Variants in XYLT1 observed in about 807,000 individuals in gnomAD.
The protein encoded by XYLT1 is xylosyltransferase 1.
In XYLT1, 36 loss-of-function variants were observed where a neutral mutation model predicts 91.3. That is an observed-to-expected ratio of 0.39 (90% confidence interval 0.30 to 0.52). The LOEUF (loss-of-function observed/expected upper bound fraction) is 0.52. Among genes scored for constraint, XYLT1 ranks in the 20% least tolerant of loss-of-function variants. XYLT1 has a pLI of 0.68. For synonymous variants in XYLT1, 588 were observed against 532.0 expected (o/e 1.11, Z -1.45); for missense variants, 1,242 against 1,284.5 (o/e 0.97, Z 0.51).
intron 1 of XYLT1, among the ~76,000 whole-genome samples, chr16:17,406,238 T>A (rs932312624): frequency 1.3e-5 from 2 of 152,178 alleles, no homozygotes; most frequent in African/African-American, 4.8e-5. Flanking sequence ...TCAACAAATA[T>A]TACTGAGCAC....
chr16:17,163,822 G>A (rs1382674578), intron 5 of XYLT1, among the ~76,000 whole-genome samples: 1 of 152,012 alleles, frequency 6.6e-6, no homozygotes, highest in Admixed American at 6.6e-5. Flanking sequence ...GCCAAGGCGG[G>A]TGGATCATTT....
chr16:17,183,435 T>C (rs1012721209), intron 5 of XYLT1, among the ~76,000 whole-genome samples: 8 of 149,648 alleles, frequency 5.3e-5, no homozygotes, highest in Admixed American at 4.7e-4. Context: ...TTATGACCCG[T>C]TGGCAAAAAA....
intron 6 of XYLT1, among the ~76,000 whole-genome samples, chr16:17,141,995 C>A (rs1427322572): frequency 1.3e-5 from 2 of 152,150 alleles, no homozygotes; most frequent in Admixed American, 6.5e-5. Context: ...CCTCAAACTC[C>A]TGGGCTCCTG....
intron 2 of XYLT1, among the ~76,000 whole-genome samples, chr16:17,350,817 C>G (rs917210579): frequency 6.6e-6 from 1 of 152,032 alleles, no homozygotes; most frequent in Non-Finnish European, 1.5e-5. Flanking sequence ...GCCGGAAGAA[C>G]GGAGAGGAGA....
At chr16:17,396,936 C>T (rs946961024) in intron 1 of XYLT1, among the ~76,000 whole-genome samples, 4 of 152,254 alleles carry the variant, frequency 2.6e-5, no homozygotes, top group African/African-American at 7.2e-5. Flanking sequence ...AGATTCAGCT[C>T]GTGGCCTATT....
At chr16:17,448,794 C>T (rs1028192430) in intron 1 of XYLT1, among the ~76,000 whole-genome samples, 7 of 151,916 alleles carry the variant, frequency 4.6e-5, no homozygotes, top group African/African-American at 1.7e-4. Context: ...GCAGCAGCAG[C>T]ATGTTATGGT....
At chr16:17,153,377 A>G (rs1054528388) in intron 6 of XYLT1, among the ~76,000 whole-genome samples, 2 of 152,186 alleles carry the variant, frequency 1.3e-5, no homozygotes, top group Non-Finnish European at 2.9e-5. Flanking sequence ...CTGCTATGCT[A>G]TGTGCTTTAT....
At chr16:17,295,676 T>C (rs2034299304) in intron 2 of XYLT1, among the ~76,000 whole-genome samples, 1 of 152,224 alleles carries the variant, frequency 6.6e-6, no homozygotes. Context: ...AGTTCTTAAC[T>C]GGGTCAACTT....
intron 6 of XYLT1, among the ~76,000 whole-genome samples, chr16:17,142,108 T>C (rs767071472): frequency 6.6e-6 from 1 of 152,190 alleles, no homozygotes; most frequent in Non-Finnish European, 1.5e-5. Flanking sequence ...GATCTTACTA[T>C]GTTGCCTAGA....
intron 5 of XYLT1, among the ~76,000 whole-genome samples, chr16:17,166,337 G>A (rs145475203): frequency 6.6e-6 from 1 of 152,216 alleles, no homozygotes; most frequent in Non-Finnish European, 1.5e-5. Context: ...GGATGAGCAG[G>A]CATTGAGTCC....
At position 17,104,098 on chromosome 16, in the gene XYLT1, A is replaced by C. The variant is rs1284890612; in HGVS notation, c.*4597T>G. On this transcript the variant is annotated 3_prime_UTR_variant, in exon 12 of 12. Transcript: ENST00000261381. ...CTGTGGTAGACCCATGGGCAAAGTAAGGTAACTGAGGCAGAAGCAAACAGG... is the reference window on the plus strand; with the variant it reads ...CTGTGGTAGACCCATGGGCAAAGTACGGTAACTGAGGCAGAAGCAAACAGG... The C allele has an allele frequency of 1.3e-5, 2 of 152,766 alleles. No homozygotes were observed. The highest frequency in any genetic ancestry group is 1.3e-4 in the Admixed American group (2 of 15,286). 9.5% of individuals were successfully genotyped at this position (152,766 alleles called of 1,614,324 possible).
chr16:17,185,772 G>A (rs913575793), intron 5 of XYLT1, among the ~76,000 whole-genome samples: 1 of 152,122 alleles, frequency 6.6e-6, no homozygotes, highest in African/African-American at 2.4e-5. Context: ...AGGCTGAGGT[G>A]CGCAGATCAC....
At chr16:17,426,206 C>T (rs115947582) in intron 1 of XYLT1, among the ~76,000 whole-genome samples, 3,027 of 152,250 alleles carry the variant, frequency 0.02, 85 homozygotes, top group African/African-American at 0.068. Flanking sequence ...GAAAAAGTTA[C>T]ATACAAATAA....
Position 17,288,709 on chromosome 16 carries a change from G to C in XYLT1, c.403-29211C>G, listed in dbSNP as rs149070408. ...ATTTGCTCTCTACTGGAGGATGAGA[G>C]ACCACGTGGAGGCGAGTCCAAATGA... On this transcript the variant is annotated intron_variant, in intron 2 of 11. Coordinates refer to ENST00000261381, the MANE Select transcript of XYLT1 (RefSeq NM_022166.4). Among the ~76,000 whole-genome samples the C allele has an allele frequency of 1.1e-4, 16 of 152,248 alleles. No individual in the cohort carries two copies. The East Asian group carries it at 3.1e-3, about 30-fold the overall frequency.
intron 7 of XYLT1, among the ~76,000 whole-genome samples, chr16:17,139,737 A>G (rs1001601246): frequency 5.9e-5 from 9 of 152,238 alleles, no homozygotes; most frequent in African/African-American, 2.2e-4. Flanking sequence ...ATTCCCTGCA[A>G]TATAATGGAT....
At chr16:17,470,285 A>G in intron 1 of XYLT1, 149 bp downstream of exon 1, 2 of 1,025,550 alleles carry the variant, frequency 2.0e-6, no homozygotes, top group Non-Finnish European at 2.5e-6. Context: ...CAGGGACCCC[A>G]CCCGGCTTCC....
intron 1 of XYLT1, among the ~76,000 whole-genome samples, chr16:17,442,355 G>C (rs2036541724): frequency 6.6e-6 from 1 of 152,196 alleles, no homozygotes; most frequent in African/African-American, 2.4e-5. Flanking sequence ...ACTCATTGCA[G>C]ATCAGAATCA....
chr16:17,368,937 C>A (rs1007464257), intron 1 of XYLT1, among the ~76,000 whole-genome samples: 2 of 151,360 alleles, frequency 1.3e-5, no homozygotes, highest in African/African-American at 2.4e-5. Flanking sequence ...TTATGAATAC[C>A]CTGTAGTACT....
At chr16:17,258,066 G>C (rs1463982302) in intron 3 of XYLT1, among the ~76,000 whole-genome samples, 1 of 152,100 alleles carries the variant, frequency 6.6e-6, no homozygotes, top group Non-Finnish European at 1.5e-5. Flanking sequence ...CTCAGCAAGA[G>C]AGCTGGTTTA....
Sources: gnomAD v4.1 joint callset for allele counts (sites outside exome capture counted in the v4.1 genomes callset) on GRCh38, gnomAD v4.1.1 for gene constraint, MANE v1.5 for transcripts, NCBI Gene and HGNC (gene_info 2026-07-23, HGNC 2026-07-21) for gene names.